Variants in NRXN2 observed in about 807,000 individuals in gnomAD.
The protein encoded by NRXN2 is neurexin-2-beta.
NRXN2 carries 29 observed loss-of-function variants against 128.8 expected under a neutral mutation model. That is an observed-to-expected ratio of 0.23 (90% CI 0.17 to 0.31). The LOEUF is 0.31. NRXN2 is among the 10% of genes least tolerant of loss of function. The pLI is 1.00. For synonymous variants in NRXN2, 1,098 were observed against 1,075.2 expected, an observed-to-expected ratio of 1.02 and a Z score of -0.41; for missense variants, 1,881 against 2,452.6, an observed-to-expected ratio of 0.77 and a Z score of 4.92.
At chr11:64,646,870 C>T (rs1364217674) in intron 17 of NRXN2, among the ~76,000 whole-genome samples, 1 of 152,182 alleles carries the variant, frequency 6.6e-6, no homozygotes, top group Admixed American at 6.5e-5. Context: ...CAGACAGCAG[C>T]AGGTCAAGTA....
At chr11:64,626,904 G>T (rs1007171644) in intron 19 of NRXN2, among the ~76,000 whole-genome samples, 2 of 152,174 alleles carry the variant, frequency 1.3e-5, no homozygotes, top group Admixed American at 1.3e-4. Context: ...ATCCCAAAGT[G>T]GGGGGCGGGC....
intron 22 of NRXN2, among the ~76,000 whole-genome samples, chr11:64,618,051 C>T (rs2041800885): frequency 6.6e-6 from 1 of 152,168 alleles, no homozygotes; most frequent in Admixed American, 6.5e-5. Flanking sequence ...CTCTACTTGG[C>T]CCTTTTCCCA....
chr11:64,686,034 AC>A (rs1390508638), intron 5 of NRXN2, 87 bp from the exon 6 acceptor site: 175 of 1,479,794 alleles, frequency 1.2e-4, no homozygotes, highest in Non-Finnish European at 5.6e-6. Flanking sequence ...CAACGCAGGC[AC>A]TGGTCCTGGG....
chr11:64,629,935 T>C (rs2043626089), intron 19 of NRXN2, among the ~76,000 whole-genome samples: 1 of 152,180 alleles, frequency 6.6e-6, no homozygotes, highest in African/African-American at 2.4e-5. Context: ...ACCTCGGTTC[T>C]TTCCTTGGCT....
At chr11:64,716,813 G>A (rs2057316559) in intron 1 of NRXN2, among the ~76,000 whole-genome samples, 1 of 152,098 alleles carries the variant, frequency 6.6e-6, no homozygotes, top group African/African-American at 2.4e-5. Context: ...CAGACCCTTG[G>A]GGCAGCTTCA....
At chr11:64,617,391 G>A (rs189247742) in intron 22 of NRXN2, among the ~76,000 whole-genome samples, 6 of 152,282 alleles carry the variant, frequency 3.9e-5, no homozygotes, top group Admixed American at 2.6e-4. Context: ...ACAATATGTG[G>A]GTTGGGCCAG....
At chr11:64,610,011 C>T (rs919791167) in intron 22 of NRXN2, among the ~76,000 whole-genome samples, 3 of 152,156 alleles carry the variant, frequency 2.0e-5, no homozygotes, top group African/African-American at 4.8e-5. Context: ...CCCCACCCAC[C>T]CACAGCCCTC....
At chr11:64,689,312 C>T (rs2053516843) in intron 5 of NRXN2, among the ~76,000 whole-genome samples, 1 of 151,662 alleles carries the variant, frequency 6.6e-6, no homozygotes, top group South Asian at 2.1e-4. Context: ...TCAAGTGATC[C>T]TCCCACCTCG....
rs562024154 is a variant in NRXN2, at chr11:64,649,867, C to T, written c.3109+581G>A. Among the ~76,000 whole-genome samples, 18 of 152,288 alleles carry T rather than the reference C, an allele frequency of 1.2e-4. No individual in the cohort carries two copies. In the South Asian group the frequency reaches 3.5e-3, roughly 30 times the overall value. On this transcript the variant is annotated intron_variant, in intron 15 of 22. Coordinates refer to ENST00000265459, the MANE Select transcript of NRXN2 (RefSeq NM_015080.4). Reference sequence around the variant, plus strand: ...AGGCCTTAGCTCACCCTCCTCCTCCCTGATCTCTCAGTCACCCATTCTGGG... The same window carrying T: ...AGGCCTTAGCTCACCCTCCTCCTCCTTGATCTCTCAGTCACCCATTCTGGG...
At chr11:64,644,262 G>A (rs1006130006) in intron 17 of NRXN2, among the ~76,000 whole-genome samples, 6 of 151,904 alleles carry the variant, frequency 3.9e-5, no homozygotes, top group Non-Finnish European at 8.8e-5. Context: ...AGCCTTCGAG[G>A]TACTCAGGAA....
intron 22 of NRXN2, among the ~76,000 whole-genome samples, chr11:64,615,858 G>GCA (rs138133485): frequency 0.14 from 14,782 of 104,204 alleles, 2,352 homozygotes; most frequent in African/African-American, 0.44. Flanking sequence ...GTGTGTGTGT[G>GCA]TGTGTGTGTG....
intron 11 of NRXN2, among the ~76,000 whole-genome samples, chr11:64,656,607 C>T (rs2048325489): frequency 6.6e-6 from 1 of 152,234 alleles, no homozygotes; most frequent in Middle Eastern, 3.4e-3. Flanking sequence ...CCACACCCTT[C>T]AGGTCAGCTG....
Position 64,667,107 on chromosome 11 carries a change from A to T in NRXN2, c.1798+143T>A. The T allele has an allele frequency of 1.2e-6, 1 of 841,040 alleles. No individual in the cohort carries two copies. The highest frequency in any genetic ancestry group is 1.4e-5 in the South Asian group (1 of 69,280). 52.1% of individuals were successfully genotyped at this position (841,040 alleles called of 1,614,324 possible). ...GATGACAGAAAGGACAATTGGGAAG[A>T]CGTGAGGGGGGTGGAGGAGAAGCGG... On this transcript the variant is annotated intron_variant, in intron 9 of 22. Transcript: ENST00000265459. The surrounding 1 kb of genome is among the most constrained non-coding windows in gnomAD (Gnocchi z 5.6).
At chr11:64,649,534 C>G (rs969486486) in intron 15 of NRXN2, among the ~76,000 whole-genome samples, 1 of 152,210 alleles carries the variant, frequency 6.6e-6, no homozygotes, top group African/African-American at 2.4e-5. Flanking sequence ...CAGTACAACA[C>G]AAGACCCGCC....
intron 20 of NRXN2, among the ~76,000 whole-genome samples, chr11:64,625,348 T>C (rs972567809): frequency 6.6e-6 from 1 of 152,222 alleles, no homozygotes; most frequent in Admixed American, 6.5e-5. Context: ...CCATCCGCCA[T>C]GAACTCCTCA....
intron 6 of NRXN2, 100 bp downstream of exon 6, chr11:64,685,546 G>T: frequency 6.7e-7 from 1 of 1,487,432 alleles, no homozygotes; most frequent in Non-Finnish European, 9.4e-7. Flanking sequence ...TCACTGCCCA[G>T]CCCTGATCCC....
chr11:64,645,832 C>G (rs2046570061), intron 17 of NRXN2, among the ~76,000 whole-genome samples: 1 of 152,172 alleles, frequency 6.6e-6, no homozygotes, highest in Non-Finnish European at 1.5e-5. Flanking sequence ...ACAGGCCCTG[C>G]TCCTTCCACC....
chr11:64,652,279 C>T (rs1449188217), intron 12 of NRXN2, 125 bp from the exon 13 acceptor site: 20 of 1,274,800 alleles, frequency 1.6e-5, no homozygotes, highest in Middle Eastern at 2.3e-4. Flanking sequence ...ACATACATGA[C>T]CAGTGGCTCA....
intron 17 of NRXN2, among the ~76,000 whole-genome samples, chr11:64,637,697 G>A (rs1369739434): frequency 1.3e-5 from 2 of 152,106 alleles, no homozygotes; most frequent in African/African-American, 2.4e-5. Context: ...ATTCAGAGAA[G>A]GCTTTATTGG....
Sources: gnomAD v4.1 joint callset for allele counts (sites outside exome capture counted in the v4.1 genomes callset) on GRCh38, gnomAD v4.1.1 for gene constraint, Gnocchi (gnomAD v3.1) non-coding constraint, MANE v1.5 for transcripts, NCBI Gene and HGNC (gene_info 2026-07-23, HGNC 2026-07-21) for gene names.